Variants in STX7 observed in about 807,000 individuals in gnomAD.
The protein encoded by STX7 is syntaxin-7.
In STX7, 34 loss-of-function variants were observed where a neutral mutation model predicts 39.6. That is an observed-to-expected ratio of 0.86 (90% CI 0.65 to 1.14). STX7 has a LOEUF of 1.14. STX7 is among the 50% of genes most tolerant of loss of function. The probability of loss-of-function intolerance (pLI) is 0.00; values close to 1 mark genes in which losing one functional copy is unlikely to be tolerated. For synonymous variants in STX7, 119 were observed against 99.1 expected, an observed-to-expected ratio of 1.20 and a Z score of -1.19; for missense variants, 284 against 310.4, an observed-to-expected ratio of 0.92 and a Z score of 0.64.
chr6:132,457,764 T>C lies in STX7; in HGVS notation c.*2994A>G, dbSNP rs902264670. The C allele has an allele frequency of 6.6e-6, 1 of 152,094 alleles. No individual in the cohort carries two copies. Among genetic ancestry groups the C allele is most frequent in the Non-Finnish European group, 1.5e-5 (1 of 68,004 alleles). 9.4% of individuals were successfully genotyped at this position (152,094 alleles called of 1,614,324 possible). A position where few individuals can be genotyped will look rare whatever the true frequency, so the allele number is the denominator to read the frequency against. ...ACTTGAAAATGTCATTCAACTCAAA[T>C]CCCTCAATCAACTTACTTCAGCCCA... is the stretch of plus-strand genomic sequence containing the variant. On this transcript the variant is annotated 3_prime_UTR_variant, in exon 10 of 10. Transcript: ENST00000367941.
At chr6:132,490,507 TA>T in intron 2 of STX7, among the ~76,000 whole-genome samples, 1 of 152,274 alleles carries the variant, frequency 6.6e-6, no homozygotes, top group East Asian at 1.9e-4. Context: ...AGAAAACCCA[TA>T]AAAATTACAT....
chr6:132,481,516 C>T (rs189955896), intron 2 of STX7, among the ~76,000 whole-genome samples: 11 of 152,146 alleles, frequency 7.2e-5, no homozygotes, highest in Admixed American at 6.5e-4. Context: ...TTTATAGATA[C>T]TGAAATTTCT....
intron 9 of STX7, 77 bp from the exon 10 acceptor site, chr6:132,460,927 A>C: frequency 7.9e-7 from 1 of 1,272,336 alleles, no homozygotes; most frequent in Non-Finnish European, 1.1e-6. Context: ...GCAACTAAAA[A>C]TAATTTGGTT....
rs568328041 is a variant in STX7, at chr6:132,458,397, T to C, written c.*2361A>G. 27 of 152,284 alleles carry C rather than the reference T, an allele frequency of 1.8e-4. No homozygotes were observed. The highest frequency in any genetic ancestry group is 5.5e-4 in the African/African-American group (23 of 41,558). 9.4% of individuals were successfully genotyped at this position (152,284 alleles called of 1,614,324 possible). A position where few individuals can be genotyped will look rare whatever the true frequency, so the allele number is the denominator to read the frequency against. On this transcript the variant is annotated 3_prime_UTR_variant, in exon 10 of 10. Transcript: ENST00000367941. ...TACCATCAATCATATTGCAAAACCA[T>C]AGTATTTAACGACCAATAAACAGCC... is the stretch of plus-strand genomic sequence containing the variant.
chr6:132,485,784 T>G (rs892538817), intron 2 of STX7, among the ~76,000 whole-genome samples: 6 of 152,218 alleles, frequency 3.9e-5, no homozygotes, highest in African/African-American at 1.4e-4. Context: ...TATGTCCTAT[T>G]TGTCATCTGT....
At position 132,447,635 on chromosome 6, in the gene STX7, TTTA is replaced by T. The variant is rs1774042935; in HGVS notation, c.*13120_*13122del. ...TGTTATACCTACTTCAGTTGAAATT[TTTA>T]TTATTTTTGAGAGTCTCCTTATCCT... is the stretch of plus-strand genomic sequence containing the variant. On this transcript the variant is annotated 3_prime_UTR_variant, in exon 10 of 10. Coordinates refer to ENST00000367941, the MANE Select transcript of STX7 (RefSeq NM_003569.3). The T allele has an allele frequency of 6.6e-6, 1 of 152,136 alleles. No homozygotes were observed. Among genetic ancestry groups the T allele is most frequent in the Non-Finnish European group, 1.5e-5 (1 of 68,002 alleles). The allele number at this position is 152,136 out of a possible 1,614,324, so 9.4% of individuals were successfully genotyped here. A position where few individuals can be genotyped will look rare whatever the true frequency, so the allele number is the denominator to read the frequency against.
chr6:132,500,842 G>C (rs570792506), intron 2 of STX7, among the ~76,000 whole-genome samples: 1 of 152,094 alleles, frequency 6.6e-6, no homozygotes, highest in African/African-American at 2.4e-5. Context: ...CACTGATAAG[G>C]AATCTCATTC....
At chr6:132,491,937 A>T (rs992542587) in intron 2 of STX7, among the ~76,000 whole-genome samples, 12 of 152,264 alleles carry the variant, frequency 7.9e-5, no homozygotes, top group African/African-American at 2.9e-4. Context: ...AGACTCTTGC[A>T]TATATCTTAA....
intron 2 of STX7, among the ~76,000 whole-genome samples, chr6:132,492,999 A>G (rs1775333490): frequency 6.6e-6 from 1 of 152,172 alleles, no homozygotes; most frequent in Non-Finnish European, 1.5e-5. Context: ...TATCTGTTGA[A>G]GGTTTCCATG....
chr6:132,491,448 C>G (rs1269034237), intron 2 of STX7, among the ~76,000 whole-genome samples: 2 of 152,124 alleles, frequency 1.3e-5, no homozygotes, highest in Non-Finnish European at 2.9e-5. Context: ...AACAGACAGA[C>G]GCAGAACACA....
chr6:132,485,012 T>C (rs749185576), intron 2 of STX7, among the ~76,000 whole-genome samples: 2 of 152,214 alleles, frequency 1.3e-5, no homozygotes, highest in Non-Finnish European at 2.9e-5. Context: ...ACGTTTTTTA[T>C]TTAAATGCCA....
chr6:132,447,202 A>C lies in STX7; in HGVS notation c.*13556T>G, dbSNP rs376080936. 1.3e-5 allele frequency: 2 copies of C among 152,204 alleles called. No individual in the cohort carries two copies. Among genetic ancestry groups the C allele is most frequent in the Non-Finnish European group, 2.9e-5 (2 of 68,036 alleles). 9.4% of individuals were successfully genotyped at this position (152,204 alleles called of 1,614,324 possible). ...TAAGATGGAACTTACTGTGTAGTGG[A>C]AAGAGTTAGACTCACTAGACATTGA... is the stretch of plus-strand genomic sequence containing the variant. On this transcript the variant is annotated 3_prime_UTR_variant, in exon 10 of 10. Transcript: ENST00000367941.
At chr6:132,511,167 T>C (rs1411543969) in intron 1 of STX7, among the ~76,000 whole-genome samples, 2 of 152,202 alleles carry the variant, frequency 1.3e-5, no homozygotes, top group African/African-American at 2.4e-5. Context: ...AATGAATGAA[T>C]GTACCCACCT....
At chr6:132,495,175 T>C (rs1394264774) in intron 2 of STX7, among the ~76,000 whole-genome samples, 1 of 152,202 alleles carries the variant, frequency 6.6e-6, no homozygotes, top group Admixed American at 6.5e-5. Context: ...CTTAAAGATT[T>C]AGTTCATAAA....
chr6:132,464,472 T>G (rs1476003274), intron 8 of STX7, among the ~76,000 whole-genome samples: 3 of 152,204 alleles, frequency 2.0e-5, no homozygotes, highest in African/African-American at 4.8e-5. Context: ...CTCTTCTTTC[T>G]ACTGCTGAAG....
intron 2 of STX7, among the ~76,000 whole-genome samples, chr6:132,495,059 G>T (rs1242531993): frequency 6.6e-6 from 1 of 152,170 alleles, no homozygotes; most frequent in Non-Finnish European, 1.5e-5. Context: ...ATGGTTTGGG[G>T]TTGGAACCAA....
chr6:132,465,569 T>C (rs1372499754), intron 8 of STX7, among the ~76,000 whole-genome samples: 3 of 152,204 alleles, frequency 2.0e-5, no homozygotes, highest in Non-Finnish European at 4.4e-5. Flanking sequence ...AAGTCATGAC[T>C]GCCAAGCAGG....
chr6:132,454,032 G>A lies in STX7; in HGVS notation c.*6726C>T, dbSNP rs1774193910. The stretch of plus-strand genomic sequence containing the variant: ...CCAAAAACTGGCCCAATGTCTCTCA[G>A]CAGGTGAACAGTTAAACAAACTGTG... On this transcript the variant is annotated 3_prime_UTR_variant, in exon 10 of 10. Transcript: ENST00000367941. 1 of 151,874 alleles carries A rather than the reference G, an allele frequency of 6.6e-6. No homozygotes were observed. 9.4% of individuals were successfully genotyped at this position (151,874 alleles called of 1,614,324 possible).
intron 9 of STX7, among the ~76,000 whole-genome samples, chr6:132,463,422 T>G (rs571361008): frequency 2.6e-5 from 4 of 152,324 alleles, no homozygotes; most frequent in Admixed American, 1.3e-4. Context: ...ATAATTTATA[T>G]TTGACACATG....
Sources: allele counts gnomAD v4.1 joint callset (sites outside exome capture counted in the v4.1 genomes callset), GRCh38; gene constraint gnomAD v4.1.1; transcripts MANE v1.5; gene names NCBI Gene and HGNC (gene_info 2026-07-23, HGNC 2026-07-21).